BAZ2A: variants seen among roughly 807,000 people sequenced by gnomAD.
BAZ2A encodes bromodomain adjacent to zinc finger domain protein 2A.
A neutral mutation model predicts 199.9 loss-of-function variants in BAZ2A; 34 were observed. The ratio of observed to expected loss-of-function variants is 0.17; its 90% confidence interval spans 0.13 to 0.23. The LOEUF is 0.23. BAZ2A is among the 10% of genes least tolerant of loss of function. The probability of loss-of-function intolerance (pLI) is 1.00; values close to 1 mark genes in which losing one functional copy is unlikely to be tolerated. For synonymous variants in BAZ2A, 857 were observed against 883.9 expected (o/e 0.97, Z 0.54); for missense variants, 2,002 against 2,391.1 (o/e 0.84, Z 3.39).
Position 56,602,188 on chromosome 12 carries a change from A to G in BAZ2A, c.3429T>C (p.Pro1143=). The G allele has an allele frequency of 6.3e-7, 1 of 1,576,146 alleles. No homozygotes were observed. The highest frequency in any genetic ancestry group is 8.6e-7 in the Non-Finnish European group (1 of 1,159,376). ...CAGTTTCCTTCTTTATCACCTCCTC[A>G]GGAACTGTAAAGAGAAGTAAAGAGT... ...FVEGTEGNLV[P]EEVIKKETDS... The change falls in exon 20 of 29, where the codon CCT becomes CCC. Residue 1143 remains proline (P), a synonymous_variant. Coordinates refer to ENST00000549884, the MANE Select transcript of BAZ2A (RefSeq NM_001300905.2).
At chr12:56,617,109 TTATCTC>T (rs1259076556) in intron 2 of BAZ2A, among the ~76,000 whole-genome samples, 1 of 152,098 alleles carries the variant, frequency 6.6e-6, no homozygotes, top group Non-Finnish European at 1.5e-5. Flanking sequence ...GGCTAGCACT[TTATCTC>T]TCTCATGGGT....
intron 2 of BAZ2A, 83 bp downstream of exon 2, chr12:56,617,312 G>A: frequency 7.6e-7 from 1 of 1,322,812 alleles, no homozygotes. Context: ...CAGCAGCAAA[G>A]TAGAGCAAAA....
chr12:56,600,180 T>G (rs1886307434), intron 24 of BAZ2A, 21 bp downstream of exon 24: 3 of 1,612,322 alleles, frequency 1.9e-6, no homozygotes, highest in African/African-American at 1.3e-5. Flanking sequence ...AGACCAAGAA[T>G]GGAGGGTGGG....
At position 56,622,047 on chromosome 12, in the gene BAZ2A, A is replaced by G. The variant is rs73335287; in HGVS notation, c.-2-4515T>C. ...AAGACTGTGTAGTTTTCAAAAAGAT[A>G]ATCAGGCCTGGCCAGGCGCAGTGGT... On this transcript the variant is annotated intron_variant, in intron 1 of 28. Coordinates refer to ENST00000549884, the MANE Select transcript of BAZ2A (RefSeq NM_001300905.2). Among the ~76,000 whole-genome samples the G allele has an allele frequency of 1.7e-3, 260 of 151,776 alleles. 1 individual carries two copies. The highest frequency in any genetic ancestry group is 6.0e-3 in the African/African-American group (249 of 41,446).
intron 1 of BAZ2A, among the ~76,000 whole-genome samples, chr12:56,624,865 T>A (rs556571963): frequency 6.6e-6 from 1 of 152,258 alleles, no homozygotes; most frequent in South Asian, 2.1e-4. Context: ...GAGGCTGCAG[T>A]GGGCTATGAT....
At chr12:56,625,860 A>G (rs1409405480) in intron 1 of BAZ2A, among the ~76,000 whole-genome samples, 2 of 140,786 alleles carry the variant, frequency 1.4e-5, no homozygotes, top group Non-Finnish European at 1.5e-5. Context: ...TGGGCGACAC[A>G]GCGAAACTCC....
At chr12:56,619,994 T>C (rs964295361) in intron 1 of BAZ2A, among the ~76,000 whole-genome samples, 5 of 152,140 alleles carry the variant, frequency 3.3e-5, no homozygotes. Flanking sequence ...CTAAAAGCAA[T>C]GTGCATTTGT....
chr12:56,623,655 C>T (rs551165971), intron 1 of BAZ2A, among the ~76,000 whole-genome samples: 13 of 152,138 alleles, frequency 8.5e-5, no homozygotes, highest in African/African-American at 2.7e-4. Flanking sequence ...AATTCTGCCC[C>T]GTAGGGGACA....
intron 1 of BAZ2A, among the ~76,000 whole-genome samples, chr12:56,620,916 T>C (rs1006251874): frequency 1.3e-5 from 2 of 152,150 alleles, no homozygotes; most frequent in Non-Finnish European, 2.9e-5. Flanking sequence ...GTCTGAAAGA[T>C]AAGCATCATG....
intron 1 of BAZ2A, among the ~76,000 whole-genome samples, chr12:56,629,564 C>T (rs1397423854): frequency 6.6e-6 from 1 of 152,186 alleles, no homozygotes; most frequent in African/African-American, 2.4e-5. Flanking sequence ...AGCGCAGCAC[C>T]ACCCTCAGCA....
rs200871378 is a variant in BAZ2A, at chr12:56,615,076, G to A, written c.668C>T (p.Ser223Leu). ...PDEAAEKEMT[S>L]VVAENGTGLV... The stretch of plus-strand genomic sequence containing the variant: ...GCCAGTGCCATTCTCTGCCACAACT[G>A]AAGTCATCTCCTTTTCTGCTGCCTC... The change falls in exon 3 of 29, where the codon TCA (serine) becomes TTA (leucine). Residue 223 changes from serine to leucine, a missense_variant. Transcript: ENST00000549884. The A allele has an allele frequency of 6.2e-7, 1 of 1,613,814 alleles. No individual in the cohort carries two copies. The highest frequency in any genetic ancestry group is 1.7e-5 in the Admixed American group (1 of 60,006).
In BAZ2A at chr12:56,599,336, T is replaced by C. The variant is rs747236357; in HGVS notation, c.5195A>G (p.Gln1732Arg). ...GCCACGCTTTGGGAAACCAGGCTTC[T>C]GAGTGAATTCTCCCTCCACCTGCTT... Reference protein sequence around the residue: ...LAQQVEGEFTQKPGFPKRGQK... With the variant: ...LAQQVEGEFTRKPGFPKRGQK... The change falls in exon 27 of 29, where the codon CAG becomes CGG. Residue 1732 changes from glutamine (Q) to arginine (R), a missense_variant. Physicochemically the swap from Gln to Arg is conservative, Grantham distance 43. Around this residue, in one of 6 missense-constraint regions of BAZ2A, gnomAD observed 122 missense variants for 123.0 expected, o/e 0.99. Transcript: ENST00000549884. 1.2e-6 allele frequency: 2 copies of C among 1,613,394 alleles called. No homozygotes were observed. The highest frequency in any genetic ancestry group is 2.7e-5 in the African/African-American group (2 of 75,062).
rs1171152124 is a variant in BAZ2A at position 56,602,157 on chromosome 12, A to G, written c.3460T>C (p.Leu1154=). ...AGTGACGCATGGGCTGCCACTTTTA[A>G]GGAGTCAGTTTCCTTCTTTATCACC... The part of the protein sequence containing the change: ...EEVIKKETDS[L]KVAAHASLNP... Residue 1154 remains leucine (L), a synonymous_variant, in exon 20 of 29, where the codon TTA becomes CTA. Coordinates refer to ENST00000549884, the MANE Select transcript of BAZ2A (RefSeq NM_001300905.2). The G allele has an allele frequency of 6.3e-7, 1 of 1,591,400 alleles. No homozygotes were observed. Among genetic ancestry groups the G allele is most frequent in the East Asian group, 2.3e-5 (1 of 44,218 alleles).
chr12:56,614,329 G>A (rs1592595457), intron 3 of BAZ2A, 191 bp from the exon 4 acceptor site: 1 of 559,008 alleles, frequency 1.8e-6, no homozygotes, highest in Non-Finnish European at 3.1e-6. Flanking sequence ...CAATCCTACA[G>A]CAGGCAAAGA....
upstream of BAZ2A, among the ~76,000 whole-genome samples, chr12:56,632,545 T>G (rs530443139): frequency 2.0e-5 from 3 of 152,108 alleles, no homozygotes; most frequent in African/African-American, 7.2e-5. Context: ...CGGTTACTCC[T>G]GTGCCCCACT....
Position 56,610,207 on chromosome 12 carries a change from G to A in BAZ2A, c.1788C>T (p.Ser596=), listed in dbSNP as rs1479026573. The A allele has an allele frequency of 6.2e-7, 1 of 1,613,764 alleles. No individual in the cohort carries two copies. The highest frequency in any genetic ancestry group is 8.5e-7 in the Non-Finnish European group (1 of 1,179,860). ...GGCGGACACTGTGTACCACGTTGCG[G>A]CTCAGGTACTAAGAGGAAGAAGTAA... ...KQFPEVIKYL[S]RNVVHSVRRE... is the part of the protein sequence containing the mutation. Residue 596 remains serine (S), a synonymous_variant, in exon 9 of 29, where the codon AGC becomes AGT. Transcript: ENST00000549884.
intron 5 of BAZ2A, 119 bp from the exon 6 acceptor site, chr12:56,612,365 T>C (rs913332127): frequency 1.2e-6 from 1 of 857,108 alleles, no homozygotes; most frequent in Non-Finnish European, 1.8e-6. Flanking sequence ...GGGTCTTCCC[T>C]AGGGTTGGAA....
Position 56,615,514 on chromosome 12 carries a change from G to A in BAZ2A, c.230C>T (p.Thr77Ile). ...ILNSAPHSSSTSHLHHPSVAY... is the reference protein window; with the variant it reads ...ILNSAPHSSSISHLHHPSVAY... ...CACGCTGGGGTGATGGAGGTGTGAG[G>A]TGCTGGAGGAGTGGGGAGCAGAGTT... Residue 77 changes from threonine to isoleucine, a missense_variant, in exon 3 of 29, where the codon ACC (threonine) becomes ATC (isoleucine). Physicochemically the swap from Thr to Ile is moderately conservative, Grantham distance 89. Around this residue, in one of 6 missense-constraint regions of BAZ2A, gnomAD observed 641 missense variants for 694.5 expected, o/e 0.92. Transcript: ENST00000549884. 2 of 1,613,528 alleles carry A rather than the reference G, an allele frequency of 1.2e-6. No homozygotes were observed. The highest frequency in any genetic ancestry group is 1.7e-6 in the Non-Finnish European group (2 of 1,179,870).
At position 56,596,454 on chromosome 12, in the gene BAZ2A, C is replaced by T. The variant is rs1243476680; in HGVS notation, c.*2164G>A. On this transcript the variant is annotated 3_prime_UTR_variant, in exon 29 of 29. Coordinates refer to ENST00000549884, the MANE Select transcript of BAZ2A (RefSeq NM_001300905.2). ...CACTTCTTCAAACTGAGGCTAGGAC[C>T]CCACCCCGCCATATGAGTGCCTGGT... The T allele has an allele frequency of 6.6e-6, 1 of 152,356 alleles. No homozygotes were observed. The highest frequency in any genetic ancestry group is 1.5e-5 in the Non-Finnish European group (1 of 68,004). 9.4% of individuals were successfully genotyped at this position (152,356 alleles called of 1,614,324 possible). A position where few individuals can be genotyped will look rare whatever the true frequency, so the allele number is the denominator to read the frequency against.
Sources: gnomAD v4.1 joint callset for allele counts (sites outside exome capture counted in the v4.1 genomes callset) on GRCh38, gnomAD v4.1.1 for gene constraint, gnomAD v4.1.1 regional missense constraint, MANE v1.5 for transcripts, NCBI Gene and HGNC (gene_info 2026-07-23, HGNC 2026-07-21) for gene names.